SDK1: variants seen among roughly 807,000 people sequenced by gnomAD.
SDK1 encodes the protein sidekick cell adhesion molecule 1.
A neutral mutation model predicts 245.5 loss-of-function variants in SDK1; 157 were observed. That is an observed-to-expected ratio of 0.64 (90% confidence interval 0.56 to 0.73). SDK1 has a LOEUF of 0.73. Ranked by LOEUF, SDK1 falls within the 30% of genes least tolerant of loss-of-function variation. The pLI is 0.00. For missense variants in SDK1, 3,583 were observed against 3,002.3 expected (o/e 1.19, Z -4.52); for synonymous variants, 1,647 against 1,278.5 (o/e 1.29, Z -6.15).
chr7:3,591,334 A>G (rs1452740829), intron 1 of SDK1, among the ~76,000 whole-genome samples: 2 of 152,202 alleles, frequency 1.3e-5, no homozygotes, highest in East Asian at 3.8e-4. Flanking sequence ...CTGAGCCTGC[A>G]GGGCACAGCA....
intron 1 of SDK1, among the ~76,000 whole-genome samples, chr7:3,611,874 G>T (rs1388514832): frequency 6.6e-6 from 1 of 152,062 alleles, no homozygotes; most frequent in Non-Finnish European, 1.5e-5. Flanking sequence ...TTACACTGGT[G>T]GTGAGAATGT....
chr7:3,988,070 G>A (rs576065971), intron 14 of SDK1, among the ~76,000 whole-genome samples: 1 of 149,442 alleles, frequency 6.7e-6, no homozygotes, highest in Non-Finnish European at 1.5e-5. Context: ...CTTGACATCT[G>A]TATCGGGTTG....
chr7:3,660,219 G>C (rs757035769), intron 4 of SDK1, among the ~76,000 whole-genome samples: 1 of 151,860 alleles, frequency 6.6e-6, no homozygotes, highest in Admixed American at 6.6e-5. Flanking sequence ...TGCAGAGCAG[G>C]GTAGAGAAAT....
At chr7:3,399,254 A>G (rs868400651) in intron 1 of SDK1, among the ~76,000 whole-genome samples, 1 of 151,662 alleles carries the variant, frequency 6.6e-6, no homozygotes, top group South Asian at 2.1e-4. Context: ...TTACATGAAT[A>G]TTTCCTTTCA....
intron 28 of SDK1, among the ~76,000 whole-genome samples, chr7:4,143,578 G>A (rs141445422): frequency 0.01 from 1,588 of 152,314 alleles, 32 homozygotes; most frequent in African/African-American, 0.035. Context: ...CGGGATTCCA[G>A]CCCAGAGGTG....
chr7:3,883,782 A>G (rs10273444), intron 5 of SDK1, among the ~76,000 whole-genome samples: 46,468 of 144,002 alleles, frequency 0.32, 10,138 homozygotes, highest in African/African-American at 0.63. Flanking sequence ...TCCTTCCTCC[A>G]TTCCTCTTGC....
chr7:3,884,071 G>GTTTTTTTT (rs1562511985), intron 5 of SDK1, among the ~76,000 whole-genome samples: 1 of 139,290 alleles, frequency 7.2e-6, no homozygotes, highest in Non-Finnish European at 1.5e-5. Flanking sequence ...TTTTTTGTTT[G>GTTTTTTTT]TTTGTTTTTT....
chr7:4,085,927 C>T (rs1781399684), intron 22 of SDK1, among the ~76,000 whole-genome samples: 1 of 152,182 alleles, frequency 6.6e-6, no homozygotes, highest in Non-Finnish European at 1.5e-5. Flanking sequence ...TACACGATCT[C>T]AAAGTCAAAA....
chr7:3,419,675 C>T (rs988666093), intron 1 of SDK1, among the ~76,000 whole-genome samples: 2 of 152,282 alleles, frequency 1.3e-5, no homozygotes, highest in Middle Eastern at 3.4e-3. Flanking sequence ...GTTTCTAGTT[C>T]TGACAACTGA....
chr7:4,204,060 G>T (rs1340425863), intron 35 of SDK1, among the ~76,000 whole-genome samples: 1 of 152,220 alleles, frequency 6.6e-6, no homozygotes, highest in Non-Finnish European at 1.5e-5. Flanking sequence ...TGTCGTGGGC[G>T]CGCTGAGTTG....
intron 5 of SDK1, among the ~76,000 whole-genome samples, chr7:3,943,857 C>T (rs1057169550): frequency 1.3e-5 from 2 of 152,096 alleles, no homozygotes. Flanking sequence ...GCTTCATTTC[C>T]CTCTGCTGCG....
intron 1 of SDK1, among the ~76,000 whole-genome samples, chr7:3,368,674 A>AT (rs1781150561): frequency 6.6e-6 from 1 of 152,090 alleles, no homozygotes; most frequent in Non-Finnish European, 1.5e-5. Context: ...CCCATTTGTC[A>AT]TTTTCACTTC....
chr7:4,161,945 C>A (rs918543211), intron 32 of SDK1, 89 bp downstream of exon 32: 2 of 1,152,376 alleles, frequency 1.7e-6, no homozygotes, highest in Admixed American at 1.7e-5. Flanking sequence ...GGACTGCAAG[C>A]TGAGCCCTGA....
rs546742745 is a variant in SDK1 at position 4,129,751 on chromosome 7, A to G, written c.3940-157A>G. ...ACCACCTTCCTCCCCAAATGCCAGC[A>G]TGGACAAATTAGATCCAGAAGCCCT... On this transcript the variant is annotated intron_variant, in intron 26 of 44. Transcript: ENST00000404826. 7.3e-4 allele frequency: 1,051 copies of G among 1,447,732 alleles called. 2 individuals are homozygous for G. The highest frequency in any genetic ancestry group is 1.6e-3 in the South Asian group (113 of 68,912). 89.7% of individuals were successfully genotyped at this position (1,447,732 alleles called of 1,614,324 possible). A position where few individuals can be genotyped will look rare whatever the true frequency, so the allele number is the denominator to read the frequency against.
Position 4,017,301 on chromosome 7 carries a change from G to T in SDK1, c.2551G>T (p.Ala851Ser). Residue 851 changes from alanine (A) to serine (S), a missense_variant, in exon 17 of 45, where the codon GCC becomes TCC. Transcript: ENST00000404826. ...GATACAGGTGGCGGCGTACAACGGG[G>T]CCGGTCTGGGCGTCTTCAGCAGGGC... Reference protein sequence around the residue: ...YEIQVAAYNGAGLGVFSRAVT... With the variant: ...YEIQVAAYNGSGLGVFSRAVT... 1 of 1,613,972 alleles carries T rather than the reference G, an allele frequency of 6.2e-7. No individual in the cohort carries two copies. Among genetic ancestry groups the T allele is most frequent in the Non-Finnish European group, 8.5e-7 (1 of 1,179,904 alleles).
chr7:3,582,108 C>G (rs1395894216), intron 1 of SDK1, among the ~76,000 whole-genome samples: 104 of 136,682 alleles, frequency 7.6e-4, no homozygotes, highest in African/African-American at 2.5e-3. Context: ...AGGTAGGTCT[C>G]CCTCAGGTAG....
At chr7:3,777,194 A>C (rs1454907814) in intron 4 of SDK1, among the ~76,000 whole-genome samples, 1 of 152,288 alleles carries the variant, frequency 6.6e-6, no homozygotes. Context: ...TTGAGACGTA[A>C]AATGTATGCT....
intron 22 of SDK1, among the ~76,000 whole-genome samples, chr7:4,087,789 C>T (rs779147532): frequency 3.9e-5 from 6 of 152,152 alleles, no homozygotes; most frequent in African/African-American, 9.7e-5. Flanking sequence ...TTTCCCAGCT[C>T]TGTAGACGTG....
At chr7:3,848,015 A>G (rs1780323969) in intron 5 of SDK1, among the ~76,000 whole-genome samples, 1 of 152,236 alleles carries the variant, frequency 6.6e-6, no homozygotes. Flanking sequence ...ATCTACCCAT[A>G]CACACATGTG....
Sources: allele counts gnomAD v4.1 joint callset (sites outside exome capture counted in the v4.1 genomes callset), GRCh38; gene constraint gnomAD v4.1.1; transcripts MANE v1.5; gene names NCBI Gene and HGNC (gene_info 2026-07-23, HGNC 2026-07-21).